The following C16orf95 variants were observed in gnomAD, a reference collection of about 807,000 sequenced individuals.
C16orf95 encodes the protein chromosome 16 open reading frame 95, also known as uncharacterized protein C16orf95.
In C16orf95, 41 loss-of-function variants were observed where a neutral mutation model predicts 32.1. The ratio of observed to expected loss-of-function variants is 1.28; its 90% CI spans 1.00 to 1.66. The LOEUF is 1.66. Among genes scored for constraint, C16orf95 ranks in the 40% most tolerant of loss-of-function variants. The pLI is 0.00. For synonymous variants in C16orf95, 147 were observed against 128.9 expected, an observed-to-expected ratio of 1.14 and a Z score of -0.95; for missense variants, 399 against 325.9, an observed-to-expected ratio of 1.22 and a Z score of -1.73.
Position 87,315,097 on chromosome 16 carries a change from C to G in C16orf95, c.205-1G>C, listed in dbSNP as rs1426730684. The G allele has an allele frequency of 6.5e-7, 1 of 1,535,766 alleles. No individual in the cohort carries two copies. The highest frequency in any genetic ancestry group is 2.4e-5 in the East Asian group (1 of 40,906). On this transcript the variant is annotated splice_acceptor_variant, in intron 2 of 6. Transcript: ENST00000567970. LOFTEE classifies it high-confidence loss of function. Reference sequence around the variant, plus strand: ...AGATGGCCCAGGGGCCAGGGTGCATCTGAGTAAGATCCAGAAATGACAGAA... The same window carrying G: ...AGATGGCCCAGGGGCCAGGGTGCATGTGAGTAAGATCCAGAAATGACAGAA...
chr16:87,306,056 CTCACGAGATAAAGGCCG>C, intron 5 of C16orf95, 151 bp from the exon 6 acceptor site: 1 of 513,780 alleles, frequency 1.9e-6, no homozygotes, highest in Non-Finnish European at 3.2e-6. Context: ...TGACCCGGAG[CTCACGAGATAAAGGCCG>C]TCTTGCGGGT....
chr16:87,312,436 G>A (rs1334615291), intron 3 of C16orf95, among the ~76,000 whole-genome samples: 1 of 152,026 alleles, frequency 6.6e-6, no homozygotes, highest in Non-Finnish European at 1.5e-5. Flanking sequence ...GGGAGTGGTG[G>A]TGGGCACCTG....
chr16:87,304,686 C>G (rs553716817), intron 6 of C16orf95, among the ~76,000 whole-genome samples: 1 of 152,302 alleles, frequency 6.6e-6, no homozygotes, highest in Admixed American at 6.5e-5. Context: ...ACATCACAGC[C>G]TCAACTGTGA....
rs75831306 is a variant in C16orf95, at chr16:87,307,075, C to T, written c.515-1170G>A. Among the ~76,000 whole-genome samples, 897 of 152,308 alleles carry T rather than the reference C, an allele frequency of 5.9e-3. 6 individuals carry two copies. The highest frequency in any genetic ancestry group is 0.02 in the African/African-American group (844 of 41,558). On this transcript the variant is annotated intron_variant, in intron 5 of 6. Coordinates refer to ENST00000567970, the MANE Select transcript of C16orf95 (RefSeq NM_001195124.3). ...CCGACCCCTGCCTCTGGGGGTTCCA[C>T]TCAAATCACTCACCTTTTCCAGGGA...
chr16:87,315,103 A>G lies in C16orf95; in HGVS notation c.205-7T>C. On this transcript the variant is annotated splice_region_variant and splice_polypyrimidine_tract_variant and intron_variant, in intron 2 of 6. Transcript: ENST00000567970. The stretch of plus-strand genomic sequence containing the variant: ...CCCAGGGGCCAGGGTGCATCTGAGT[A>G]AGATCCAGAAATGACAGAACTGAGC... The G allele has an allele frequency of 6.5e-7, 1 of 1,535,722 alleles. No individual in the cohort carries two copies. The highest frequency in any genetic ancestry group is 8.7e-7 in the Non-Finnish European group (1 of 1,146,706).
Position 87,305,843 on chromosome 16 carries a change from A to ACAGG in C16orf95, c.573_576dup (p.Leu193ProfsTer97). The ACAGG allele has an allele frequency of 6.7e-7, 1 of 1,483,746 alleles. No individual in the cohort carries two copies. The highest frequency in any genetic ancestry group is 8.9e-7 in the Non-Finnish European group (1 of 1,123,232). 91.9% of individuals were successfully genotyped at this position (1,483,746 alleles called of 1,614,324 possible). A position where few individuals can be genotyped will look rare whatever the true frequency, so the allele number is the denominator to read the frequency against. ...GCCTGGAGCTGCTGGAACTTGGACA[A>ACAGG]CAGGCACTCATCACCGCAGATCCGC... is the stretch of plus-strand genomic sequence containing the variant. On this transcript the variant is annotated frameshift_variant, in exon 6 of 7. Coordinates refer to ENST00000567970, the MANE Select transcript of C16orf95 (RefSeq NM_001195124.3). LOFTEE classifies it high-confidence loss of function. The surrounding 1 kb of genome is among the most constrained non-coding windows in gnomAD (Gnocchi z 4.2).
rs1313854379 is a variant in C16orf95 at position 87,310,283 on chromosome 16, C to T, written c.514+14G>A. ...GGAGGGGGATGATATGAGACACACA[C>T]ACACTGGAGTTACCTTGGATGCCTT... is the stretch of plus-strand genomic sequence containing the variant. On this transcript the variant is annotated intron_variant, in intron 5 of 6. Transcript: ENST00000567970. 3 of 1,535,980 alleles carry T rather than the reference C, an allele frequency of 2.0e-6. No individual in the cohort carries two copies. Among genetic ancestry groups the T allele is most frequent in the Non-Finnish European group, 8.7e-7 (1 of 1,146,876 alleles).
At chr16:87,314,671 C>G (rs1904304460) in intron 3 of C16orf95, among the ~76,000 whole-genome samples, 1 of 152,156 alleles carries the variant, frequency 6.6e-6, no homozygotes, top group Non-Finnish European at 1.5e-5. Context: ...ACATGCCAAT[C>G]AAACCTCTAG....
intron 5 of C16orf95, among the ~76,000 whole-genome samples, chr16:87,308,162 G>A (rs1911110664): frequency 6.6e-6 from 1 of 152,052 alleles, no homozygotes; most frequent in Non-Finnish European, 1.5e-5. Flanking sequence ...TAGAGCTTTG[G>A]CTAACTTCCT....
At chr16:87,314,051 C>A (rs1047734131) in intron 3 of C16orf95, among the ~76,000 whole-genome samples, 5 of 152,116 alleles carry the variant, frequency 3.3e-5, no homozygotes, top group Admixed American at 6.6e-5. Flanking sequence ...ATGTGAGGAA[C>A]TGGAACTTTA....
intron 4 of C16orf95, among the ~76,000 whole-genome samples, chr16:87,310,694 C>T (rs544580044): frequency 1.1e-4 from 16 of 152,236 alleles, no homozygotes; most frequent in African/African-American, 3.1e-4. Flanking sequence ...ACTGGTGGTC[C>T]GTCCCGGGCA....
In C16orf95 at chr16:87,310,286, A is replaced by T. The variant is rs1378710014; in HGVS notation, c.514+11T>A. The stretch of plus-strand genomic sequence containing the variant: ...GGGGGATGATATGAGACACACACAC[A>T]CTGGAGTTACCTTGGATGCCTTTCA... On this transcript the variant is annotated intron_variant, in intron 5 of 6. Coordinates refer to ENST00000567970, the MANE Select transcript of C16orf95 (RefSeq NM_001195124.3). 1.3e-6 allele frequency: 2 copies of T among 1,536,006 alleles called. No homozygotes were observed. Among genetic ancestry groups the T allele is most frequent in the African/African-American group, 2.7e-5 (2 of 73,138 alleles).
rs373448877 is a variant in C16orf95 at position 87,311,802 on chromosome 16, C to T, written c.331-506G>A. 3.3e-5 allele frequency among the ~76,000 whole-genome samples: 5 copies of T among 152,344 alleles called. No individual in the cohort carries two copies. The East Asian group carries it at 7.7e-4, about 23-fold the overall frequency. ...GGATACTTTCACATCTGCAAAGTGT[C>T]CTATGCACAGAAATATTTGTTGCAC... On this transcript the variant is annotated intron_variant, in intron 3 of 6. Transcript: ENST00000567970.
chr16:87,316,948 G>A (rs1904365255), intron 1 of C16orf95, 143 bp downstream of exon 1: 1 of 1,312,422 alleles, frequency 7.6e-7, no homozygotes, highest in African/African-American at 1.5e-5. Flanking sequence ...CATCAGTTGC[G>A]TTTTTGTTAA....
At chr16:87,315,146 G>A (rs1243371570) in intron 2 of C16orf95, 50 bp from the exon 3 acceptor site, 3 of 1,525,170 alleles carry the variant, frequency 2.0e-6, no homozygotes, top group East Asian at 2.4e-5. Context: ...TGCATTTGCA[G>A]GGAGACAGGA....
At chr16:87,317,063 C>T (rs1013718799) in intron 1 of C16orf95, 28 bp downstream of exon 1, 2 of 1,481,428 alleles carry the variant, frequency 1.4e-6, no homozygotes, top group Admixed American at 2.2e-5. Flanking sequence ...TGTCGGGTAG[C>T]CGCGGGCAGG....
chr16:87,311,853 C>T lies in C16orf95; in HGVS notation c.331-557G>A, dbSNP rs140595124. ...CATTGTCAGGAGTGAATGGACAGCC[C>T]GAATACCTTTCAGTAAGAGACAATA... On this transcript the variant is annotated intron_variant, in intron 3 of 6. Transcript: ENST00000567970. Among the ~76,000 whole-genome samples, 5 of 152,208 alleles carry T rather than the reference C, an allele frequency of 3.3e-5. No individual in the cohort carries two copies. In the East Asian group the frequency reaches 9.6e-4, roughly 29 times the overall value.
intron 1 of C16orf95, 32 bp from the exon 2 acceptor site, chr16:87,315,855 T>G (rs757545533): frequency 6.7e-7 from 1 of 1,503,734 alleles, no homozygotes; most frequent in Non-Finnish European, 8.9e-7. Flanking sequence ...GCTTAGGGTT[T>G]GTGTAAACTA....
intron 5 of C16orf95, chr16:87,306,115 G>T (rs1236718167): frequency 4.8e-6 from 2 of 419,132 alleles, no homozygotes; most frequent in Non-Finnish European, 8.4e-6. Context: ...CAGCCTTGGG[G>T]CTGTTTTTCA....
Sources: gnomAD v4.1 joint callset for allele counts (sites outside exome capture counted in the v4.1 genomes callset) on GRCh38, gnomAD v4.1.1 for gene constraint, Gnocchi (gnomAD v3.1) non-coding constraint, MANE v1.5 for transcripts, NCBI Gene and HGNC (gene_info 2026-07-23, HGNC 2026-07-21) for gene names.